Variants in LRBA observed in about 807,000 individuals in gnomAD.
LRBA encodes the protein lipopolysaccharide-responsive and beige-like anchor protein.
In LRBA, 176 loss-of-function variants were observed where a neutral mutation model predicts 330.0. The observed-to-expected ratio is 0.53, with a 90% CI of 0.47 to 0.60. The LOEUF (loss-of-function observed/expected upper bound fraction) is 0.60. Among genes scored for constraint, LRBA ranks in the 20% least tolerant of loss-of-function variants. The probability of loss-of-function intolerance (pLI) is 0.00; values close to 1 mark genes in which losing one functional copy is unlikely to be tolerated. For missense variants in LRBA, 3,259 were observed against 3,444.8 expected (o/e 0.95, Z 1.35); for synonymous variants, 1,230 against 1,193.0 (o/e 1.03, Z -0.64).
At chr4:150,953,971 G>GCCA (rs1737190251) in intron 2 of LRBA, among the ~76,000 whole-genome samples, 8 of 141,324 alleles carry the variant, frequency 5.7e-5, no homozygotes, top group Non-Finnish European at 7.7e-5. Context: ...CCTCTGCCCC[G>GCCA]CCACCCCGTC....
intron 36 of LRBA, among the ~76,000 whole-genome samples, chr4:150,691,903 T>A (rs1441361864): frequency 1.3e-5 from 2 of 152,134 alleles, no homozygotes; most frequent in Non-Finnish European, 2.9e-5. Flanking sequence ...TCAAAAAGTT[T>A]ATGCTGACCA....
At chr4:150,658,474 CA>C (rs1780446114) in intron 37 of LRBA, among the ~76,000 whole-genome samples, 1 of 142,194 alleles carries the variant, frequency 7.0e-6, no homozygotes, top group Non-Finnish European at 1.5e-5. Flanking sequence ...TCCAAAGGCT[CA>C]AAACTTGAAA....
intron 34 of LRBA, among the ~76,000 whole-genome samples, chr4:150,777,673 C>A (rs1329130617): frequency 6.6e-6 from 1 of 151,974 alleles, no homozygotes; most frequent in Non-Finnish European, 1.5e-5. Flanking sequence ...ACACACAAGA[C>A]TAAAGGTCAA....
chr4:150,627,341 C>CA (rs1298831985), intron 37 of LRBA, among the ~76,000 whole-genome samples: 5 of 151,776 alleles, frequency 3.3e-5, no homozygotes, highest in African/African-American at 9.7e-5. Flanking sequence ...GGTACTTTGA[C>CA]AAAAAAATTC....
chr4:150,410,159 T>TG, intron 47 of LRBA, among the ~76,000 whole-genome samples: 1 of 152,142 alleles, frequency 6.6e-6, no homozygotes, highest in Middle Eastern at 3.4e-3. Flanking sequence ...TCTTGTTCAG[T>TG]GGGGGGCATG....
intron 32 of LRBA, among the ~76,000 whole-genome samples, chr4:150,808,099 G>A (rs1743067494): frequency 6.6e-6 from 1 of 151,896 alleles, no homozygotes; most frequent in African/African-American, 2.4e-5. Flanking sequence ...GAAGTGACTT[G>A]TACATCATGA....
At chr4:150,821,180 T>C (rs1226947906) in intron 30 of LRBA, among the ~76,000 whole-genome samples, 2 of 152,132 alleles carry the variant, frequency 1.3e-5, no homozygotes, top group Admixed American at 6.6e-5. Flanking sequence ...TGCTTCAAAC[T>C]TTTTAGCATA....
intron 21 of LRBA, 115 bp from the exon 22 acceptor site, chr4:150,867,978 C>A: frequency 1.0e-6 from 1 of 960,868 alleles, no homozygotes; most frequent in South Asian, 1.8e-5. Context: ...AAAAGAAACA[C>A]ATTTAGTTAT....
chr4:150,619,749 GCACA>G (rs917104891), intron 37 of LRBA, among the ~76,000 whole-genome samples: 101 of 152,210 alleles, frequency 6.6e-4, no homozygotes, highest in African/African-American at 2.2e-3. Context: ...CAAGCTTCTA[GCACA>G]AGAAGAAGCA....
chr4:150,679,506 A>G (rs1049652640), intron 37 of LRBA: 27 of 152,196 alleles, frequency 1.8e-4, no homozygotes, highest in African/African-American at 5.8e-4. Flanking sequence ...TAACACTCCA[A>G]CCTTACAGCA....
At chr4:150,935,607 A>G (rs1208290746) in intron 2 of LRBA, among the ~76,000 whole-genome samples, 2 of 152,006 alleles carry the variant, frequency 1.3e-5, no homozygotes, top group Non-Finnish European at 2.9e-5. Context: ...TCTGAAACTT[A>G]TAGTGATTCT....
intron 47 of LRBA, among the ~76,000 whole-genome samples, chr4:150,372,762 T>TTTTTTTTTTTTTTTTTTTTTTTGAGACGG (rs1554011252): frequency 6.9e-6 from 1 of 144,198 alleles, no homozygotes; most frequent in Non-Finnish European, 1.5e-5. Flanking sequence ...AGTAAGTTCT[T>TTTTTTTTTTTTTTTTTTTTTTTGAGACGG]ACTAGATATT....
intron 37 of LRBA, among the ~76,000 whole-genome samples, chr4:150,601,433 A>C (rs1468544005): frequency 2.0e-5 from 3 of 151,968 alleles, no homozygotes; most frequent in African/African-American, 7.3e-5. Flanking sequence ...TTATAAAATT[A>C]TTCACAAATT....
At chr4:150,504,605 G>C (rs1474370515) in intron 40 of LRBA, among the ~76,000 whole-genome samples, 1 of 152,172 alleles carries the variant, frequency 6.6e-6, no homozygotes, top group African/African-American at 2.4e-5. Flanking sequence ...ATTAAACATG[G>C]AAAGGAACAA....
At chr4:150,838,427 C>A (rs575030987) in intron 28 of LRBA, among the ~76,000 whole-genome samples, 1 of 152,184 alleles carries the variant, frequency 6.6e-6, no homozygotes, top group Non-Finnish European at 1.5e-5. Context: ...TTCAGGTACA[C>A]CAATCAGACG....
In LRBA at chr4:150,397,105, T is replaced by C. The variant is rs144387764; in HGVS notation, c.7194+18333A>G. ...GTAATGTTTTTATTACATTGAGATA[T>C]CATACACATAAACACATCTTATATA... On this transcript the variant is annotated intron_variant, in intron 47 of 56. Transcript: ENST00000651943. Among the ~76,000 whole-genome samples, 630 of 152,294 alleles carry C rather than the reference T, an allele frequency of 4.1e-3. 4 individuals carry two copies. Among genetic ancestry groups the C allele is most frequent in the African/African-American group, 0.014 (567 of 41,566 alleles).
At chr4:150,587,924 C>T in intron 40 of LRBA, 124 bp downstream of exon 40, 2 of 965,806 alleles carry the variant, frequency 2.1e-6, no homozygotes, top group East Asian at 2.6e-5. Context: ...AATGACATTG[C>T]ATATAAGCCA....
chr4:150,862,342 T>C (rs1242913085), intron 22 of LRBA, among the ~76,000 whole-genome samples: 4 of 152,160 alleles, frequency 2.6e-5, no homozygotes, highest in Non-Finnish European at 5.9e-5. Flanking sequence ...TGGAATACTA[T>C]GCAGCCATAA....
chr4:150,556,066 G>T (rs1426828396), intron 40 of LRBA, among the ~76,000 whole-genome samples: 2 of 151,984 alleles, frequency 1.3e-5, no homozygotes, highest in African/African-American at 2.4e-5. Context: ...ATCTCCCAAA[G>T]TGCTGGGACT....
Sources: allele counts gnomAD v4.1 joint callset (sites outside exome capture counted in the v4.1 genomes callset), GRCh38; gene constraint gnomAD v4.1.1; transcripts MANE v1.5; gene names NCBI Gene and HGNC (gene_info 2026-07-23, HGNC 2026-07-21).